Variants in COPS6 observed in about 807,000 individuals in gnomAD.
COPS6 encodes the protein COP9 signalosome subunit 6, also known as COP9 signalosome complex subunit 6.
Under a neutral mutation model 41.0 loss-of-function variants are expected in COPS6, and 9 were observed. The ratio of observed to expected loss-of-function variants is 0.22; its 90% CI spans 0.13 to 0.38. The LOEUF (loss-of-function observed/expected upper bound fraction) is 0.38, where lower values mean the gene tolerates loss of function less well. Ranked by LOEUF, COPS6 falls within the 10% of genes least tolerant of loss-of-function variation. The pLI is 1.00. For missense variants in COPS6, 302 were observed against 436.7 expected, an observed-to-expected ratio of 0.69 and a Z score of 2.75; for synonymous variants, 179 against 162.9, an observed-to-expected ratio of 1.10 and a Z score of -0.75.
At chr7:100,089,208 G>A in intron 1 of COPS6, 82 bp from the exon 2 acceptor site, 13 of 1,538,452 alleles carry the variant, frequency 8.5e-6, no homozygotes, top group Non-Finnish European at 1.1e-5. Flanking sequence ...TGTGGCCCGG[G>A]CTCCGCCGTC....
rs536502448 is a variant in COPS6, at chr7:100,091,970, A to C, written c.*181A>C. ...GGTTGGTCAACTTGGATGTTCATCG[A>C]GGCTCATTCTGGCCTTGCTCAGAAG... On this transcript the variant is annotated 3_prime_UTR_variant, in exon 10 of 10. Transcript: ENST00000303904. The surrounding 1 kb of genome is among the most constrained non-coding windows in gnomAD (Gnocchi z 4.1). 3 of 715,456 alleles carry C rather than the reference A, an allele frequency of 4.2e-6. No individual in the cohort carries two copies. Among genetic ancestry groups the C allele is most frequent in the South Asian group, 3.8e-5 (2 of 52,792 alleles). 44.3% of individuals were successfully genotyped at this position (715,456 alleles called of 1,614,324 possible). A position where few individuals can be genotyped will look rare whatever the true frequency, so the allele number is the denominator to read the frequency against.
Position 100,090,595 on chromosome 7 carries a change from T to G in COPS6, c.427T>G (p.Cys143Gly). ...PSDIHVHKQV[C>G]EIIESPLFLK... The stretch of plus-strand genomic sequence containing the variant: ...GTGCATTGTCCCTCTCTTCCAGGTG[T>G]GTGAGATCATCGAGAGCCCCCTCTT... The change falls in exon 5 of 10, where the codon TGT (cysteine) becomes GGT (glycine). Residue 143 changes from cysteine (C) to glycine (G), a missense_variant. Physicochemically the swap from Cys to Gly is radical, Grantham distance 159. Around this residue, in one of 3 missense-constraint regions of COPS6, gnomAD observed 222 missense variants for 309.0 expected, o/e 0.72. Coordinates refer to ENST00000303904, the MANE Select transcript of COPS6 (RefSeq NM_006833.5). The G allele has an allele frequency of 6.2e-7, 1 of 1,614,122 alleles. No individual in the cohort carries two copies. Among genetic ancestry groups the G allele is most frequent in the Non-Finnish European group, 8.5e-7 (1 of 1,179,996 alleles).
chr7:100,089,250 G>T (rs4729575), intron 1 of COPS6, 40 bp from the exon 2 acceptor site: 403,330 of 1,591,946 alleles, frequency 0.25, 55,239 homozygotes, highest in Middle Eastern at 0.45. Context: ...AGAACGTGGG[G>T]CCCGGACTCT....
At position 100,089,366 on chromosome 7, in the gene COPS6, C is replaced by G; in HGVS notation, c.153C>G (p.Ile51Met). Residue 51 changes from isoleucine (I) to methionine (M), a missense_variant, in exon 2 of 10, where the codon ATC becomes ATG. Ile to Met is a conservative substitution (Grantham distance 10). Around this residue, in one of 3 missense-constraint regions of COPS6, gnomAD observed 76 missense variants for 97.9 expected, o/e 0.78. Transcript: ENST00000303904. Reference protein sequence around the residue: ...VALHPLVILNISDHWIRMRSQ... With the variant: ...VALHPLVILNMSDHWIRMRSQ... ...TCCATCCCCTTGTCATTCTCAACATCTCAGACCACTGGATCCGCATGCGCT... is the reference window on the plus strand; with the variant it reads ...TCCATCCCCTTGTCATTCTCAACATGTCAGACCACTGGATCCGCATGCGCT... The G allele has an allele frequency of 6.2e-7, 1 of 1,614,008 alleles. No individual in the cohort carries two copies. The highest frequency in any genetic ancestry group is 8.5e-7 in the Non-Finnish European group (1 of 1,180,034).
intron 3 of COPS6, 46 bp from the exon 4 acceptor site, chr7:100,090,353 A>T (rs1185812023): frequency 7.0e-7 from 1 of 1,429,734 alleles, no homozygotes; most frequent in East Asian, 2.3e-5. Flanking sequence ...GTCTCAGAAA[A>T]AAAAAAAAAA....
chr7:100,088,992 TGGCGGCGGCGGC>T lies in COPS6; in HGVS notation c.12_23del (p.AlaAlaAlaAla7_?10). 2 of 1,309,572 alleles carry T rather than the reference TGGCGGCGGCGGC, an allele frequency of 1.5e-6. No homozygotes were observed. Among genetic ancestry groups the T allele is most frequent in the Non-Finnish European group, 1.9e-6 (2 of 1,026,704 alleles). 81.1% of individuals were successfully genotyped at this position (1,309,572 alleles called of 1,614,324 possible). A position where few individuals can be genotyped will look rare whatever the true frequency, so the allele number is the denominator to read the frequency against. On this transcript the variant is annotated start_lost and inframe_deletion, in exon 1 of 10. Transcript: ENST00000303904. ...CCGAGGCTGGCGGGCGCGGGGAAAA[TGGCGGCGGCGGC>T]GGCGGCGGCTGCAGCTACGAACGGG...
chr7:100,089,233 C>G lies in COPS6; in HGVS notation c.77-57C>G, dbSNP rs895821090. 3.2e-6 allele frequency: 5 copies of G among 1,577,432 alleles called. No homozygotes were observed. The South Asian group carries it at 5.7e-5, about 18-fold the overall frequency. ...GCTCCGCCGTCCCCCACTGCCATCT[C>G]CAGGGAAGAACGTGGGGCCCGGACT... is the stretch of plus-strand genomic sequence containing the variant. On this transcript the variant is annotated intron_variant, in intron 1 of 9. Transcript: ENST00000303904.
rs1455448826 is a variant in COPS6, at chr7:100,090,279, C to T, written c.335-120C>T. The T allele has an allele frequency of 2.9e-5, 20 of 695,654 alleles. 1 individual carries two copies. In the Middle Eastern group the frequency reaches 1.2e-3, roughly 42 times the overall value. 43.1% of individuals were successfully genotyped at this position (695,654 alleles called of 1,614,324 possible). A position where few individuals can be genotyped will look rare whatever the true frequency, so the allele number is the denominator to read the frequency against. On this transcript the variant is annotated intron_variant, in intron 3 of 9. Transcript: ENST00000303904. The stretch of plus-strand genomic sequence containing the variant: ...AGGAGAATTGCTTGAACCTGGGAGG[C>T]GGAGGTTGTGGTGAGCTGAGATCAT...
chr7:100,090,597 T>G lies in COPS6; in HGVS notation c.429T>G (p.Cys143Trp). ...GCATTGTCCCTCTCTTCCAGGTGTG[T>G]GAGATCATCGAGAGCCCCCTCTTTC... ...PSDIHVHKQV[C>W]EIIESPLFLK... The change falls in exon 5 of 10, where the codon TGT (cysteine) becomes TGG (tryptophan). Residue 143 changes from cysteine to tryptophan, a missense_variant. Physicochemically the swap from Cys to Trp is radical, Grantham distance 215. Transcript: ENST00000303904. 1.2e-6 allele frequency: 2 copies of G among 1,613,954 alleles called. No individual in the cohort carries two copies. The highest frequency in any genetic ancestry group is 1.7e-6 in the Non-Finnish European group (2 of 1,179,852).
intron 5 of COPS6, 49 bp from the exon 6 acceptor site, chr7:100,090,853 A>C: frequency 6.2e-7 from 1 of 1,602,122 alleles, no homozygotes; most frequent in East Asian, 2.2e-5. Flanking sequence ...AAAAGCAGCT[A>C]GCCCAAATGT....
rs754461318 is a variant in COPS6 at position 100,091,822 on chromosome 7, C to T, written c.*33C>T. On this transcript the variant is annotated 3_prime_UTR_variant, in exon 10 of 10. Transcript: ENST00000303904. This position sits in a 1 kb window ranked among gnomAD's most constrained non-coding sequence, Gnocchi z 4.1. Reference sequence around the variant, plus strand: ...ACTTGAAGGGCTGATGGACAGGGGTCAGGCAACTATCCCAAAGGGGAGGGC... The same window carrying T: ...ACTTGAAGGGCTGATGGACAGGGGTTAGGCAACTATCCCAAAGGGGAGGGC... The T allele has an allele frequency of 1.2e-6, 2 of 1,613,668 alleles. No homozygotes were observed. The highest frequency in any genetic ancestry group is 1.7e-6 in the Non-Finnish European group (2 of 1,179,616).
At chr7:100,090,554 G>A in intron 4 of COPS6, 38 bp from the exon 5 acceptor site, 1 of 1,610,446 alleles carries the variant, frequency 6.2e-7, no homozygotes, top group Non-Finnish European at 8.5e-7. Flanking sequence ...AGAAAGGTAG[G>A]GGGCACTGAC....
Position 100,091,185 on chromosome 7 carries a change from G to A in COPS6, c.649+33G>A, listed in dbSNP as rs752158755. 13 of 1,613,540 alleles carry A rather than the reference G, an allele frequency of 8.1e-6. No individual in the cohort carries two copies. The East Asian group carries it at 2.7e-4, about 33-fold the overall frequency. On this transcript the variant is annotated intron_variant, in intron 7 of 9. Transcript: ENST00000303904. This position sits in a 1 kb window ranked among gnomAD's most constrained non-coding sequence, Gnocchi z 4.1. Reference sequence around the variant, plus strand: ...AGGGGATTCCTTGGAAGTGGGGTTGGAAGGTGTGGCCACATCCCGTCTCAA... The same window carrying A: ...AGGGGATTCCTTGGAAGTGGGGTTGAAAGGTGTGGCCACATCCCGTCTCAA...
chr7:100,089,111 G>C, intron 1 of COPS6, 45 bp downstream of exon 1: 1 of 1,441,980 alleles, frequency 6.9e-7, no homozygotes, highest in East Asian at 2.6e-5. Flanking sequence ...TCCTTCAGGG[G>C]TTCGTTGAGG....
At position 100,090,615 on chromosome 7, in the gene COPS6, CCT is replaced by C. The variant is rs773752643; in HGVS notation, c.450_451del (p.Phe151SerfsTer18). On this transcript the variant is annotated frameshift_variant, in exon 5 of 10. Coordinates refer to ENST00000303904, the MANE Select transcript of COPS6 (RefSeq NM_006833.5). LOFTEE classifies it high-confidence loss of function. ...AGGTGTGTGAGATCATCGAGAGCCC[CCT>C]CTTTCTGAAGTTGAACCCTATGACC... is the stretch of plus-strand genomic sequence containing the variant. The part of the protein sequence containing the change: ...KQVCEIIESP[L>X]FLKLNPMTKH... 5 of 1,614,020 alleles carry C rather than the reference CCT, an allele frequency of 3.1e-6. No individual in the cohort carries two copies. The highest frequency in any genetic ancestry group is 1.3e-5 in the African/African-American group (1 of 74,892).
chr7:100,092,012 C>T lies in COPS6; in HGVS notation c.*223C>T. The T allele has an allele frequency of 1.7e-6, 1 of 579,986 alleles. No individual in the cohort carries two copies. The highest frequency in any genetic ancestry group is 3.0e-6 in the Non-Finnish European group (1 of 328,522). 35.9% of individuals were successfully genotyped at this position (579,986 alleles called of 1,614,324 possible). A position where few individuals can be genotyped will look rare whatever the true frequency, so the allele number is the denominator to read the frequency against. ...GCTCAGAAGCCCTTCTGATGCTCTT[C>T]AGTGAGGGAGGCACTACCATTTGAA... is the stretch of plus-strand genomic sequence containing the variant. On this transcript the variant is annotated 3_prime_UTR_variant, in exon 10 of 10. Transcript: ENST00000303904.
At position 100,088,969 on chromosome 7, in the gene COPS6, G is replaced by A. The variant is rs1266000742; in HGVS notation, c.-22G>A. On this transcript the variant is annotated 5_prime_UTR_variant, in exon 1 of 10. Coordinates refer to ENST00000303904, the MANE Select transcript of COPS6 (RefSeq NM_006833.5). ...AGCCGGGAAGGAAGGGGGCGGGGCC[G>A]AGGCTGGCGGGCGCGGGGAAAATGG... 1.2e-5 allele frequency: 16 copies of A among 1,313,486 alleles called. No individual in the cohort carries two copies. Among genetic ancestry groups the A allele is most frequent in the South Asian group, 2.5e-5 (1 of 39,396 alleles). 81.4% of individuals were successfully genotyped at this position (1,313,486 alleles called of 1,614,324 possible).
chr7:100,090,159 C>T (rs545792711), intron 3 of COPS6: 4 of 518,886 alleles, frequency 7.7e-6, no homozygotes, highest in Admixed American at 6.5e-5. Context: ...ACCAGCCTGG[C>T]AAACATAGTG....
At chr7:100,090,531 A>C (rs1795299313) in intron 4 of COPS6, 44 bp downstream of exon 4, 7 of 1,610,104 alleles carry the variant, frequency 4.3e-6, no homozygotes, top group Non-Finnish European at 6.0e-6. Flanking sequence ...GAGAATGGAG[A>C]ATGAGGGGAA....
Sources: allele counts gnomAD v4.1 joint callset, GRCh38; gene constraint gnomAD v4.1.1; regional missense constraint gnomAD v4.1.1; non-coding constraint Gnocchi (gnomAD v3.1); transcripts MANE v1.5; gene names NCBI Gene and HGNC (gene_info 2026-07-23, HGNC 2026-07-21).